Variants in SEPTIN7 observed in about 807,000 individuals in gnomAD.
SEPTIN7 encodes septin 7, also known as septin-7.
Under a neutral mutation model 63.3 loss-of-function variants are expected in SEPTIN7, and 10 were observed. The ratio of observed to expected loss-of-function variants is 0.16; its 90% CI spans 0.10 to 0.27. The LOEUF is 0.27. SEPTIN7 is among the 10% of genes least tolerant of loss of function. The pLI is 1.00. For missense variants in SEPTIN7, 310 were observed against 521.0 expected (o/e 0.59, Z 3.94); for synonymous variants, 131 against 165.3 (o/e 0.79, Z 1.59).
chr7:35,815,363 G>A (rs1005940971), intron 1 of SEPTIN7, among the ~76,000 whole-genome samples: 8 of 152,098 alleles, frequency 5.3e-5, no homozygotes, highest in African/African-American at 9.7e-5. Flanking sequence ...ATATACATCT[G>A]TATTTTTGTA....
intron 1 of SEPTIN7, among the ~76,000 whole-genome samples, chr7:35,806,353 T>C (rs778245619): frequency 1.3e-5 from 2 of 152,230 alleles, no homozygotes; most frequent in Non-Finnish European, 2.9e-5. Flanking sequence ...CAGTAATTAC[T>C]GGACATAGAA....
At chr7:35,883,860 T>C (rs1372052007) in intron 8 of SEPTIN7, 31 bp from the exon 9 acceptor site, 1 of 1,291,120 alleles carries the variant, frequency 7.7e-7, no homozygotes, top group East Asian at 2.3e-5. Flanking sequence ...ACTACAGAGA[T>C]GTATTTGAAC....
chr7:35,856,727 G>A (rs1785233064), intron 3 of SEPTIN7, among the ~76,000 whole-genome samples: 1 of 152,068 alleles, frequency 6.6e-6, no homozygotes, highest in African/African-American at 2.4e-5. Context: ...GGGAGCTTTT[G>A]TTTCACCTTA....
chr7:35,810,226 G>C (rs954496825), intron 1 of SEPTIN7, among the ~76,000 whole-genome samples: 7 of 152,104 alleles, frequency 4.6e-5, no homozygotes, highest in Admixed American at 4.6e-4. Context: ...TTTGTGAACA[G>C]AGTTGAAGGA....
downstream of SEPTIN7, among the ~76,000 whole-genome samples, chr7:35,908,296 C>T (rs1350641072): frequency 1.3e-5 from 2 of 152,166 alleles, no homozygotes; most frequent in Non-Finnish European, 2.9e-5. Flanking sequence ...AAAATAGAGG[C>T]TGACAATTTC....
intron 3 of SEPTIN7, among the ~76,000 whole-genome samples, chr7:35,849,186 A>G (rs1306448186): frequency 1.3e-5 from 2 of 152,230 alleles, no homozygotes; most frequent in African/African-American, 4.8e-5. Context: ...GAATTGTCTT[A>G]TAGTAAATTC....
chr7:35,896,115 A>C (rs535438742), intron 11 of SEPTIN7, among the ~76,000 whole-genome samples: 4 of 152,294 alleles, frequency 2.6e-5, no homozygotes, highest in African/African-American at 9.6e-5. Flanking sequence ...GGCTTAAAAG[A>C]TTTGAAACAT....
chr7:35,836,649 A>G (rs1224040017), intron 3 of SEPTIN7, among the ~76,000 whole-genome samples: 2 of 152,094 alleles, frequency 1.3e-5, no homozygotes, highest in African/African-American at 4.8e-5. Flanking sequence ...CTTATCAGAG[A>G]AAGTTTAGGA....
intron 11 of SEPTIN7, among the ~76,000 whole-genome samples, chr7:35,891,618 T>G (rs1006167274): frequency 1.2e-4 from 19 of 152,150 alleles, no homozygotes; most frequent in African/African-American, 4.3e-4. Flanking sequence ...GGACTGGAGA[T>G]TGATTGCTCT....
chr7:35,864,058 T>C (rs543305535), intron 4 of SEPTIN7, among the ~76,000 whole-genome samples: 3 of 151,874 alleles, frequency 2.0e-5, no homozygotes, highest in African/African-American at 7.3e-5. Context: ...TGCCATTTTT[T>C]GCAGCACGTA....
At position 35,904,592 on chromosome 7, in the gene SEPTIN7, C is replaced by G. The variant is rs1366639282; in HGVS notation, c.*299C>G. On this transcript the variant is annotated 3_prime_UTR_variant, in exon 14 of 14. Coordinates refer to ENST00000350320, the MANE Select transcript of SEPTIN7 (RefSeq NM_001788.6). Reference sequence around the variant, plus strand: ...CATTTTACTGTTGTACAATCATGTTCTGGTGGTTTGATTGTTTACAGGATA... The same window carrying G: ...CATTTTACTGTTGTACAATCATGTTGTGGTGGTTTGATTGTTTACAGGATA... The G allele has an allele frequency of 8.9e-6, 2 of 224,900 alleles. No individual in the cohort carries two copies. The highest frequency in any genetic ancestry group is 1.7e-5 in the Non-Finnish European group (2 of 116,148). The allele number at this position is 224,900 out of a possible 1,614,324, so 13.9% of individuals were successfully genotyped here.
At chr7:35,908,566 G>T (rs1226178475), downstream of SEPTIN7, among the ~76,000 whole-genome samples, 2 of 152,198 alleles carry the variant, frequency 1.3e-5, no homozygotes, top group Non-Finnish European at 2.9e-5. Flanking sequence ...GAAACCCTAT[G>T]GGGGTGGGAA....
chr7:35,824,949 A>G (rs1364055401), intron 1 of SEPTIN7, among the ~76,000 whole-genome samples: 1 of 152,196 alleles, frequency 6.6e-6, no homozygotes, highest in Non-Finnish European at 1.5e-5. Context: ...CTTAATTCAG[A>G]CTAGCTACAT....
chr7:35,856,841 A>G (rs1785239015), intron 3 of SEPTIN7, among the ~76,000 whole-genome samples: 1 of 152,222 alleles, frequency 6.6e-6, no homozygotes, highest in African/African-American at 2.4e-5. Context: ...TTATAAGGAA[A>G]TAGAAATCAC....
At chr7:35,844,607 C>CT (rs34242959) in intron 3 of SEPTIN7, among the ~76,000 whole-genome samples, 7 of 150,270 alleles carry the variant, frequency 4.7e-5, no homozygotes, top group East Asian at 3.9e-4. Flanking sequence ...TTTACCTAGT[C>CT]TTTTTTTTTT....
intron 7 of SEPTIN7, among the ~76,000 whole-genome samples, chr7:35,882,166 A>G (rs575829427): frequency 7.2e-5 from 11 of 151,996 alleles, no homozygotes; most frequent in Non-Finnish European, 1.3e-4. Flanking sequence ...ACCTAAAGTC[A>G]TTATTGTGGA....
At chr7:35,832,995 C>A in intron 3 of SEPTIN7, 95 bp downstream of exon 3, 1 of 725,686 alleles carries the variant, frequency 1.4e-6, no homozygotes, top group Non-Finnish European at 2.5e-6. Flanking sequence ...GCACAGATAT[C>A]TACAGTGATC....
rs953377870 is a variant in SEPTIN7 at position 35,843,559 on chromosome 7, G to T, written c.169+10659G>T. Among the ~76,000 whole-genome samples the T allele has an allele frequency of 7.2e-5, 11 of 152,004 alleles. 1 individual carries two copies. The highest frequency in any genetic ancestry group is 2.4e-4 in the African/African-American group (10 of 41,402). On this transcript the variant is annotated intron_variant, in intron 3 of 13. Transcript: ENST00000350320. ...ATTTGACTGTATTATAGAATTAATT[G>T]GTATGTGAATAGAATAGTTTTTTCG...
intron 11 of SEPTIN7, among the ~76,000 whole-genome samples, chr7:35,892,102 G>A (rs1419561704): frequency 6.6e-6 from 1 of 152,082 alleles, no homozygotes; most frequent in Non-Finnish European, 1.5e-5. Flanking sequence ...TAGCTATATT[G>A]CAAAACCATT....
Sources: gnomAD v4.1 joint callset for allele counts (sites outside exome capture counted in the v4.1 genomes callset) on GRCh38, gnomAD v4.1.1 for gene constraint, MANE v1.5 for transcripts, NCBI Gene and HGNC (gene_info 2026-07-23, HGNC 2026-07-21) for gene names.